The following EXOC4 variants were observed in gnomAD, a reference collection of about 807,000 sequenced individuals.
The protein encoded by EXOC4 is SEC8-like 1.
A neutral mutation model predicts 107.2 loss-of-function variants in EXOC4; 71 were observed. The ratio of observed to expected loss-of-function variants is 0.66; its 90% CI spans 0.55 to 0.81. The LOEUF (loss-of-function observed/expected upper bound fraction) is 0.81. Ranked by LOEUF, EXOC4 falls within the 30% of genes least tolerant of loss-of-function variation. The pLI, the probability that EXOC4 is intolerant of heterozygous loss-of-function variation, is 0.00. For synonymous variants in EXOC4, 456 were observed against 441.2 expected (o/e 1.03, Z -0.42); for missense variants, 1,108 against 1,189.6 (o/e 0.93, Z 1.01).
chr7:133,620,009 TTTG>T (rs913760281), intron 9 of EXOC4, among the ~76,000 whole-genome samples: 28 of 148,770 alleles, frequency 1.9e-4, no homozygotes, highest in Non-Finnish European at 3.3e-4. Context: ...TGTGTGTGTG[TTTG>T]TTTTTTTTTG....
chr7:133,660,951 A>G (rs1803426362), intron 10 of EXOC4, among the ~76,000 whole-genome samples: 1 of 152,058 alleles, frequency 6.6e-6, no homozygotes, highest in Non-Finnish European at 1.5e-5. Flanking sequence ...ATTTTAAAAA[A>G]CCCCAGAAAT....
At chr7:133,452,492 C>T (rs982233909) in intron 7 of EXOC4, among the ~76,000 whole-genome samples, 1 of 150,572 alleles carries the variant, frequency 6.6e-6, no homozygotes. Context: ...TGCCACAGCA[C>T]AGGCATCAAG....
At chr7:134,037,424 T>C (rs1366380300) in intron 17 of EXOC4, among the ~76,000 whole-genome samples, 2 of 152,232 alleles carry the variant, frequency 1.3e-5, no homozygotes, top group African/African-American at 4.8e-5. Context: ...GTTATATGAT[T>C]ATAATTCAAT....
chr7:133,521,076 G>A (rs1255154631), intron 9 of EXOC4, among the ~76,000 whole-genome samples: 1 of 152,128 alleles, frequency 6.6e-6, no homozygotes, highest in Non-Finnish European at 1.5e-5. Flanking sequence ...TTTAATATTA[G>A]CTACTGGAAA....
rs115797528 is a variant in EXOC4, at chr7:133,814,661, T to C, written c.1515-2664T>C. Reference sequence around the variant, plus strand: ...TGTCAGTAATATATGAGAATGCCTCTTTCTTCACACTTATAGCAACAGAGT... The same window carrying C: ...TGTCAGTAATATATGAGAATGCCTCCTTCTTCACACTTATAGCAACAGAGT... On this transcript the variant is annotated intron_variant, in intron 10 of 17. Transcript: ENST00000253861. Among the ~76,000 whole-genome samples, 362 of 152,320 alleles carry C rather than the reference T, an allele frequency of 2.4e-3. 5 individuals are homozygous for C. Among genetic ancestry groups the C allele is most frequent in the African/African-American group, 8.1e-3 (338 of 41,578 alleles).
intron 10 of EXOC4, among the ~76,000 whole-genome samples, chr7:133,806,604 A>C (rs1797083510): frequency 6.6e-6 from 1 of 152,138 alleles, no homozygotes; most frequent in Admixed American, 6.5e-5. Flanking sequence ...CATGGACTTA[A>C]GTCTATTGAT....
intron 13 of EXOC4, among the ~76,000 whole-genome samples, chr7:133,933,706 C>T (rs1173242048): frequency 2.0e-5 from 3 of 152,166 alleles, no homozygotes; most frequent in Non-Finnish European, 2.9e-5. Flanking sequence ...CTGTGTCTTC[C>T]GCAAGCCTGG....
intron 11 of EXOC4, among the ~76,000 whole-genome samples, chr7:133,827,174 C>T (rs561971178): frequency 6.6e-6 from 1 of 152,314 alleles, no homozygotes; most frequent in South Asian, 2.1e-4. Flanking sequence ...TATGATTAAT[C>T]TATAAGTAGT....
chr7:133,598,992 AAATT>A (rs71162008), intron 9 of EXOC4, among the ~76,000 whole-genome samples: 10 of 152,122 alleles, frequency 6.6e-5, no homozygotes, highest in South Asian at 4.1e-4. Flanking sequence ...TCCAATAACT[AAATT>A]AATTAATTAA....
chr7:134,078,972 G>C, the EXOC4 span, among the ~76,000 whole-genome samples: 1 of 152,308 alleles, frequency 6.6e-6, no homozygotes, highest in East Asian at 1.9e-4. Flanking sequence ...AGGGAAGTAA[G>C]AGTAGCTACA....
chr7:133,567,322 C>CGGG (rs1260199049), intron 9 of EXOC4, among the ~76,000 whole-genome samples: 3 of 151,562 alleles, frequency 2.0e-5, no homozygotes, highest in African/African-American at 4.9e-5. Context: ...TTCTGAACAT[C>CGGG]ATTTTTTTTT....
Position 133,895,679 on chromosome 7 carries a change from C to T in EXOC4, c.1815C>T (p.Leu605=), listed in dbSNP as rs1189463047. 6.2e-7 allele frequency: 1 copy of T among 1,614,132 alleles called. No individual in the cohort carries two copies. The highest frequency in any genetic ancestry group is 1.7e-5 in the Admixed American group (1 of 60,032). ...TGAGTGCATATTCAGATCAATTCCTCAACATGGTGTGCGTGAAGCTCCAGG... is the reference window on the plus strand; with the variant it reads ...TGAGTGCATATTCAGATCAATTCCTTAACATGGTGTGCGTGAAGCTCCAGG... The part of the protein sequence containing the change: ...HDLSAYSDQF[L]NMVCVKLQEY... Residue 605 remains leucine (L), a synonymous_variant, in exon 12 of 18, where the codon CTC becomes CTT. Coordinates refer to ENST00000253861, the MANE Select transcript of EXOC4 (RefSeq NM_021807.4).
intron 10 of EXOC4, 132 bp from the exon 11 acceptor site, chr7:133,817,193 A>G: frequency 1.7e-6 from 1 of 598,242 alleles, no homozygotes; most frequent in Middle Eastern, 4.2e-4. Context: ...AAAATTATAT[A>G]GAGATGAGTA....
chr7:133,289,151 T>C (rs1292634867), intron 3 of EXOC4, 35 bp downstream of exon 3: 1 of 1,587,672 alleles, frequency 6.3e-7, no homozygotes, highest in Non-Finnish European at 8.6e-7. Context: ...GTCATTTTTG[T>C]TAAGATGTAA....
intron 11 of EXOC4, among the ~76,000 whole-genome samples, chr7:133,880,569 T>C (rs991995721): frequency 6.6e-6 from 1 of 152,224 alleles, no homozygotes; most frequent in Non-Finnish European, 1.5e-5. Flanking sequence ...CAACAATTAC[T>C]ACCTTATTAT....
intron 4 of EXOC4, among the ~76,000 whole-genome samples, chr7:133,313,086 T>G (rs1337966804): frequency 6.6e-6 from 1 of 151,960 alleles, no homozygotes; most frequent in East Asian, 1.9e-4. Context: ...ATTTTGTCTT[T>G]TAAAGATTTT....
intron 10 of EXOC4, among the ~76,000 whole-genome samples, chr7:133,650,882 G>T (rs1803127333): frequency 6.9e-6 from 1 of 144,850 alleles, no homozygotes; most frequent in Non-Finnish European, 1.5e-5. Flanking sequence ...ATAGAGAGAA[G>T]CTGTTCATTT....
chr7:133,736,625 G>A (rs1026932246), intron 10 of EXOC4, among the ~76,000 whole-genome samples: 3 of 151,984 alleles, frequency 2.0e-5, no homozygotes, highest in African/African-American at 4.8e-5. Context: ...AAATATTCAC[G>A]GTTGAAATAG....
intron 14 of EXOC4, among the ~76,000 whole-genome samples, chr7:133,989,813 G>A (rs11973213): frequency 1.3e-4 from 20 of 152,144 alleles, no homozygotes; most frequent in Admixed American, 7.2e-4. Context: ...GTTTGTTGAG[G>A]ACTAACAGGG....
Sources: allele counts gnomAD v4.1 joint callset (sites outside exome capture counted in the v4.1 genomes callset), GRCh38; gene constraint gnomAD v4.1.1; transcripts MANE v1.5; gene names NCBI Gene and HGNC (gene_info 2026-07-23, HGNC 2026-07-21).